The following GRIA4 variants were observed in gnomAD, a reference collection of about 807,000 sequenced individuals.
GRIA4 encodes the protein glutamate receptor 4.
Under a neutral mutation model 104.0 loss-of-function variants are expected in GRIA4, and 34 were observed. The observed-to-expected ratio is 0.33, with a 90% confidence interval of 0.25 to 0.44. The LOEUF (loss-of-function observed/expected upper bound fraction) is 0.44. Among genes scored for constraint, GRIA4 ranks in the 20% least tolerant of loss-of-function variants. GRIA4 has a pLI of 1.00. For missense variants in GRIA4, 750 were observed against 1,096.5 expected (o/e 0.68, Z 4.46); for synonymous variants, 386 against 381.9 (o/e 1.01, Z -0.13).
At chr11:105,812,820 G>A (rs1943228798) in intron 4 of GRIA4, among the ~76,000 whole-genome samples, 1 of 152,050 alleles carries the variant, frequency 6.6e-6, no homozygotes, top group African/African-American at 2.4e-5. Flanking sequence ...AAAGAAATTG[G>A]CCTAGCATGG....
intron 3 of GRIA4, among the ~76,000 whole-genome samples, chr11:105,690,264 T>G (rs1953036971): frequency 6.6e-6 from 1 of 152,206 alleles, no homozygotes; most frequent in African/African-American, 2.4e-5. Context: ...GCAAGTTTAC[T>G]CTTACCTTTC....
chr11:105,972,717 TA>T (rs1858764232), intron 15 of GRIA4, among the ~76,000 whole-genome samples: 2 of 152,196 alleles, frequency 1.3e-5, no homozygotes, highest in South Asian at 4.1e-4. Flanking sequence ...TGAGTACAAA[TA>T]AAAGTAATGG....
chr11:105,756,683 A>G (rs1940330184), intron 4 of GRIA4, among the ~76,000 whole-genome samples: 2 of 151,916 alleles, frequency 1.3e-5, no homozygotes, highest in Admixed American at 6.6e-5. Context: ...ACAAAACAAA[A>G]CAAAACTTCA....
At chr11:105,700,047 A>C (rs1179962912) in intron 3 of GRIA4, among the ~76,000 whole-genome samples, 3 of 152,224 alleles carry the variant, frequency 2.0e-5, no homozygotes, top group Non-Finnish European at 4.4e-5. Flanking sequence ...ATAAATATCT[A>C]TGGTAAATCC....
rs190486877 is a variant in GRIA4 at position 105,833,687 on chromosome 11, C to A, written c.488-28337C>A. Among the ~76,000 whole-genome samples, 5 of 151,986 alleles carry A rather than the reference C, an allele frequency of 3.3e-5. No homozygotes were observed. In the East Asian group the frequency reaches 9.7e-4, roughly 29 times the overall value. On this transcript the variant is annotated intron_variant, in intron 4 of 16. Coordinates refer to ENST00000282499, the MANE Select transcript of GRIA4 (RefSeq NM_000829.4). ...GAAAACTGTAAATAATACTAAGAGG[C>A]CAGAGTCATTATAGTTGCTTTTGTT...
intron 4 of GRIA4, among the ~76,000 whole-genome samples, chr11:105,753,775 T>A (rs774914335): frequency 6.6e-6 from 1 of 152,114 alleles, no homozygotes; most frequent in Non-Finnish European, 1.5e-5. Context: ...CAGATCTCAG[T>A]GCTCAGGAAA....
Position 105,898,303 on chromosome 11 carries a change from A to C in GRIA4, c.761A>C (p.His254Pro). ...FKDISLERFIHGGANVTGFQL... is the reference protein window; with the variant it reads ...FKDISLERFIPGGANVTGFQL... ...GATATTTCTCTTGAGAGGTTTATAC[A>C]TGGTGGAGCCAATGTTACTGGATTC... is the stretch of plus-strand genomic sequence containing the variant. The change falls in exon 7 of 17, where the codon CAT becomes CCT. Residue 254 changes from histidine (H) to proline (P), a missense_variant. By Grantham distance (77) the His-to-Pro change is moderately conservative. Transcript: ENST00000282499. 6.4e-7 allele frequency: 1 copy of C among 1,569,450 alleles called. No homozygotes were observed. The highest frequency in any genetic ancestry group is 8.8e-7 in the Non-Finnish European group (1 of 1,139,722).
At chr11:105,701,826 A>G (rs1417089087) in intron 3 of GRIA4, among the ~76,000 whole-genome samples, 1 of 152,194 alleles carries the variant, frequency 6.6e-6, no homozygotes, top group Non-Finnish European at 1.5e-5. Flanking sequence ...AACTGACTTC[A>G]TTTAAAGTTA....
chr11:105,662,381 A>G (rs928058797), intron 3 of GRIA4, among the ~76,000 whole-genome samples: 1 of 151,830 alleles, frequency 6.6e-6, no homozygotes, highest in Non-Finnish European at 1.5e-5. Flanking sequence ...CCAAGATCAG[A>G]TAGAAAGGAA....
At chr11:105,793,986 T>C (rs1942338705) in intron 4 of GRIA4, among the ~76,000 whole-genome samples, 1 of 152,090 alleles carries the variant, frequency 6.6e-6, no homozygotes, top group Non-Finnish European at 1.5e-5. Context: ...CTTGAAGAGT[T>C]AGTATTTAAT....
At chr11:105,634,449 GAGAAAGAAAGAAAGAAAGGGAAAGAA>G in intron 3 of GRIA4, among the ~76,000 whole-genome samples, 1 of 132,978 alleles carries the variant, frequency 7.5e-6, no homozygotes, top group East Asian at 2.2e-4. Context: ...AGGAAGGAAG[GAGAAAGAAAGAAAGAAAGGGAAAGAA>G]AGAAAGAAAG....
chr11:105,679,605 T>C lies in GRIA4; in HGVS notation c.247+67171T>C, dbSNP rs541712033. 2.0e-5 allele frequency among the ~76,000 whole-genome samples: 3 copies of C among 152,224 alleles called. No individual in the cohort carries two copies. The East Asian group carries it at 5.8e-4, about 29-fold the overall frequency. Reference sequence around the variant, plus strand: ...TATACTGCAATGAAATACTATGATATAAAGTTAACAATACTTAAATATTGA... The same window carrying C: ...TATACTGCAATGAAATACTATGATACAAAGTTAACAATACTTAAATATTGA... On this transcript the variant is annotated intron_variant, in intron 3 of 16. Coordinates refer to ENST00000282499, the MANE Select transcript of GRIA4 (RefSeq NM_000829.4).
chr11:105,901,123 C>T (rs1406265284), intron 7 of GRIA4, among the ~76,000 whole-genome samples: 1 of 152,072 alleles, frequency 6.6e-6, no homozygotes, highest in Non-Finnish European at 1.5e-5. Flanking sequence ...TCTTTGTAGT[C>T]TTCATGATTC....
At chr11:105,700,147 C>T (rs559567325) in intron 3 of GRIA4, among the ~76,000 whole-genome samples, 88 of 152,300 alleles carry the variant, frequency 5.8e-4, no homozygotes, top group African/African-American at 1.9e-3. Flanking sequence ...ATAGGTGCCA[C>T]CTTAAGCATC....
chr11:105,922,762 T>C (rs1403794607), intron 11 of GRIA4, among the ~76,000 whole-genome samples: 3 of 152,022 alleles, frequency 2.0e-5, no homozygotes, highest in African/African-American at 4.8e-5. Flanking sequence ...TCAGAGTATA[T>C]AGAAAGAAAA....
At chr11:105,648,467 C>T (rs973828399) in intron 3 of GRIA4, among the ~76,000 whole-genome samples, 1 of 150,852 alleles carries the variant, frequency 6.6e-6, no homozygotes, top group South Asian at 2.1e-4. Flanking sequence ...TAAAATAATG[C>T]TTTATACGCT....
intron 4 of GRIA4, among the ~76,000 whole-genome samples, chr11:105,826,527 C>T (rs1943776323): frequency 6.6e-6 from 1 of 151,974 alleles, no homozygotes; most frequent in South Asian, 2.1e-4. Context: ...TGAATGGATC[C>T]AGGTTTGTCA....
chr11:105,800,223 A>G (rs868096739), intron 4 of GRIA4, among the ~76,000 whole-genome samples: 2 of 152,064 alleles, frequency 1.3e-5, no homozygotes, highest in South Asian at 2.1e-4. Flanking sequence ...GTTTTTGCCA[A>G]TGTCAAAGGT....
chr11:105,880,961 T>C (rs1298811347), intron 5 of GRIA4, among the ~76,000 whole-genome samples: 1 of 152,186 alleles, frequency 6.6e-6, no homozygotes, highest in African/African-American at 2.4e-5. Context: ...GAGACTGTCA[T>C]AGTTGATTTC....
Sources: allele counts gnomAD v4.1 joint callset (sites outside exome capture counted in the v4.1 genomes callset), GRCh38; gene constraint gnomAD v4.1.1; transcripts MANE v1.5; gene names NCBI Gene and HGNC (gene_info 2026-07-23, HGNC 2026-07-21).